The following PRR16 variants were observed in gnomAD, a reference collection of about 807,000 sequenced individuals.
PRR16 encodes proline rich 16.
Under a neutral mutation model 18.2 loss-of-function variants are expected in PRR16, and 6 were observed. That is an observed-to-expected ratio of 0.33 (90% CI 0.18 to 0.65). PRR16 has a LOEUF of 0.65. Ranked by LOEUF, PRR16 falls within the 30% of genes least tolerant of loss-of-function variation. The pLI is 0.74. For missense variants in PRR16, 412 were observed against 376.6 expected (o/e 1.09, Z -0.78); for synonymous variants, 151 against 147.8 (o/e 1.02, Z -0.16).
the PRR16 span, among the ~76,000 whole-genome samples, chr5:120,726,082 A>AT: frequency 6.6e-6 from 1 of 152,050 alleles, no homozygotes; most frequent in Non-Finnish European, 1.5e-5. Context: ...CATTAAAAGT[A>AT]TTTTTTACAC....
chr5:120,679,955 G>A (rs1168117010), intron 1 of PRR16, among the ~76,000 whole-genome samples: 1 of 152,098 alleles, frequency 6.6e-6, no homozygotes, highest in Non-Finnish European at 1.5e-5. Flanking sequence ...TAATAATATT[G>A]TATTGTATTC....
At chr5:120,528,631 G>A (rs1465809887) in intron 1 of PRR16, among the ~76,000 whole-genome samples, 3 of 152,082 alleles carry the variant, frequency 2.0e-5, no homozygotes, top group African/African-American at 4.8e-5. Flanking sequence ...GGGAAGGATG[G>A]GGGACCTCAA....
intron 1 of PRR16, among the ~76,000 whole-genome samples, chr5:120,477,242 G>C (rs560084198): frequency 1.2e-4 from 18 of 152,036 alleles, no homozygotes; most frequent in Admixed American, 9.2e-4. Context: ...AGCTTGTGTA[G>C]CCAACAGTCT....
intron 1 of PRR16, among the ~76,000 whole-genome samples, chr5:120,505,122 C>G (rs1479044247): frequency 6.6e-6 from 1 of 152,116 alleles, no homozygotes; most frequent in African/African-American, 2.4e-5. Context: ...CCCCTCTTTT[C>G]CTTCTGCTTT....
intron 1 of PRR16, among the ~76,000 whole-genome samples, chr5:120,638,420 A>G (rs1033473341): frequency 1.3e-5 from 2 of 152,180 alleles, no homozygotes; most frequent in Non-Finnish European, 2.9e-5. Context: ...AATTCATGAC[A>G]CATAGAGGCT....
intron 1 of PRR16, among the ~76,000 whole-genome samples, chr5:120,685,443 T>C (rs1447054334): frequency 6.6e-6 from 1 of 152,198 alleles, no homozygotes; most frequent in Non-Finnish European, 1.5e-5. Flanking sequence ...ACAGTTGATG[T>C]TTTCTGTATA....
chr5:120,579,355 G>A (rs1753186928), intron 1 of PRR16, among the ~76,000 whole-genome samples: 1 of 152,050 alleles, frequency 6.6e-6, no homozygotes, highest in African/African-American at 2.4e-5. Flanking sequence ...GTATTGCCTA[G>A]GTTTTCTTCT....
At chr5:120,563,035 C>T (rs1752624077) in intron 1 of PRR16, among the ~76,000 whole-genome samples, 1 of 152,038 alleles carries the variant, frequency 6.6e-6, no homozygotes, top group African/African-American at 2.4e-5. Context: ...TTGAAGAATT[C>T]CCTTTATCAT....
chr5:120,573,212 T>A (rs530135580), intron 1 of PRR16, among the ~76,000 whole-genome samples: 1 of 152,330 alleles, frequency 6.6e-6, no homozygotes, highest in Admixed American at 6.5e-5. Context: ...ACTAGAATTG[T>A]TTCTGGCCAT....
At chr5:120,549,264 T>G (rs1165968098) in intron 1 of PRR16, among the ~76,000 whole-genome samples, 1 of 152,000 alleles carries the variant, frequency 6.6e-6, no homozygotes, top group East Asian at 1.9e-4. Flanking sequence ...CCCAGCTAAT[T>G]TTTTTGTTTT....
At chr5:120,782,232 A>G in the PRR16 span, among the ~76,000 whole-genome samples, 2 of 152,264 alleles carry the variant, frequency 1.3e-5, no homozygotes, top group Admixed American at 1.3e-4. Flanking sequence ...GATTAGCTTC[A>G]TTAAGTGTGT....
At chr5:120,490,033 A>T (rs1218796771) in intron 1 of PRR16, among the ~76,000 whole-genome samples, 1 of 152,136 alleles carries the variant, frequency 6.6e-6, no homozygotes, top group Non-Finnish European at 1.5e-5. Context: ...TGTTAGTCTG[A>T]TGGGCTTCCC....
At chr5:120,707,886 C>A in the PRR16 span, among the ~76,000 whole-genome samples, 1 of 152,116 alleles carries the variant, frequency 6.6e-6, no homozygotes, top group Non-Finnish European at 1.5e-5. Context: ...GGCTTGTCAG[C>A]TGGGAAAACA....
intron 1 of PRR16, among the ~76,000 whole-genome samples, chr5:120,646,951 T>C (rs1460099388): frequency 1.3e-5 from 2 of 152,108 alleles, no homozygotes; most frequent in Admixed American, 6.6e-5. Flanking sequence ...AGAGACAGCA[T>C]GTTATAATGA....
chr5:120,583,180 T>C (rs1470309691), intron 1 of PRR16, among the ~76,000 whole-genome samples: 2 of 152,206 alleles, frequency 1.3e-5, no homozygotes, highest in East Asian at 1.9e-4. Flanking sequence ...TCAGAAGTCA[T>C]GTAACATTTC....
chr5:120,483,440 A>G (rs1749687713), intron 1 of PRR16, among the ~76,000 whole-genome samples: 1 of 108,408 alleles, frequency 9.2e-6, no homozygotes, highest in Non-Finnish European at 2.0e-5. Context: ...TTTATCAGAT[A>G]GGTTCAACAT....
chr5:120,759,245 G>A, the PRR16 span, among the ~76,000 whole-genome samples: 17 of 151,646 alleles, frequency 1.1e-4, no homozygotes, highest in Admixed American at 5.3e-4. Context: ...CAAAGTGCTG[G>A]GATTACAGGC....
At chr5:120,684,247 G>C (rs530105119) in intron 1 of PRR16, among the ~76,000 whole-genome samples, 1 of 152,178 alleles carries the variant, frequency 6.6e-6, no homozygotes, top group Non-Finnish European at 1.5e-5. Context: ...TGAATGTTTT[G>C]AAACTGCTGA....
chr5:120,732,866 A>T, the PRR16 span, among the ~76,000 whole-genome samples: 1 of 152,178 alleles, frequency 6.6e-6, no homozygotes, highest in African/African-American at 2.4e-5. Flanking sequence ...AATGAGTTTT[A>T]ATTAGGGAAA....
Sources: gnomAD v4.1 joint callset for allele counts (sites outside exome capture counted in the v4.1 genomes callset) on GRCh38, gnomAD v4.1.1 for gene constraint, MANE v1.5 for transcripts, NCBI Gene and HGNC (gene_info 2026-07-23, HGNC 2026-07-21) for gene names.